The following MYLK variants were observed in gnomAD, a reference collection of about 807,000 sequenced individuals.
The protein encoded by MYLK is myosin light chain kinase.
A neutral mutation model predicts 203.4 loss-of-function variants in MYLK; 106 were observed. That is an observed-to-expected ratio of 0.52 (90% CI 0.45 to 0.61). The LOEUF (loss-of-function observed/expected upper bound fraction) is 0.61, where lower values mean the gene tolerates loss of function less well. Ranked by LOEUF, MYLK falls within the 20% of genes least tolerant of loss-of-function variation. The probability of loss-of-function intolerance (pLI) is 0.00; values close to 1 mark genes in which losing one functional copy is unlikely to be tolerated. For missense variants in MYLK, 2,072 were observed against 2,442.3 expected (o/e 0.85, Z 3.20); for synonymous variants, 867 against 959.5 (o/e 0.90, Z 1.78).
intron 12 of MYLK, among the ~76,000 whole-genome samples, chr3:123,723,627 C>T (rs564510495): frequency 3.9e-5 from 6 of 152,320 alleles, no homozygotes. Flanking sequence ...ATGGAGGCCC[C>T]AGAAAGGAGC....
chr3:123,810,097 C>T (rs2065505000), intron 3 of MYLK, among the ~76,000 whole-genome samples: 1 of 152,202 alleles, frequency 6.6e-6, no homozygotes, highest in Non-Finnish European at 1.5e-5. Flanking sequence ...GAACTCATTA[C>T]CTGTCCGCAC....
At chr3:123,805,529 A>G (rs969306583) in intron 3 of MYLK, among the ~76,000 whole-genome samples, 1 of 152,186 alleles carries the variant, frequency 6.6e-6, no homozygotes, top group East Asian at 1.9e-4. Context: ...GGCTGCCTCA[A>G]CTAAAGAGAG....
Position 123,612,426 on chromosome 3 carries a change from T to G in MYLK, c.*1679A>C, listed in dbSNP as rs551405562. ...ACATTAACACAATTCCAAGAAGGCATTAACCTGTAACACACATATACGCCA... is the reference window on the plus strand; with the variant it reads ...ACATTAACACAATTCCAAGAAGGCAGTAACCTGTAACACACATATACGCCA... On this transcript the variant is annotated 3_prime_UTR_variant, in exon 34 of 34. Coordinates refer to ENST00000360304, the MANE Select transcript of MYLK (RefSeq NM_053025.4). The G allele has an allele frequency of 1.3e-5, 2 of 152,706 alleles. No homozygotes were observed. Among genetic ancestry groups the G allele is most frequent in the Admixed American group, 1.3e-4 (2 of 15,282 alleles). 9.5% of individuals were successfully genotyped at this position (152,706 alleles called of 1,614,324 possible).
chr3:123,817,017 C>T (rs552648481), intron 3 of MYLK, among the ~76,000 whole-genome samples: 24 of 152,204 alleles, frequency 1.6e-4, no homozygotes, highest in Admixed American at 4.6e-4. Context: ...ATATCAGTGG[C>T]GCAGATAAAA....
intron 20 of MYLK, among the ~76,000 whole-genome samples, chr3:123,668,016 CT>C (rs1407270671): frequency 6.6e-6 from 1 of 152,158 alleles, no homozygotes; most frequent in Admixed American, 6.5e-5. Flanking sequence ...TCCCTTCTTA[CT>C]CTTACTTCCT....
At chr3:123,809,987 A>T (rs569381472) in intron 3 of MYLK, among the ~76,000 whole-genome samples, 2 of 152,004 alleles carry the variant, frequency 1.3e-5, no homozygotes, top group South Asian at 4.2e-4. Flanking sequence ...AGAAGATGGG[A>T]CTCTCCTGAC....
intron 1 of MYLK, among the ~76,000 whole-genome samples, chr3:123,881,431 T>C (rs1028420032): frequency 4.6e-5 from 7 of 152,152 alleles, no homozygotes; most frequent in Non-Finnish European, 8.8e-5. Context: ...TTTTACTACA[T>C]TTGCTGAAAA....
chr3:123,746,426 G>A (rs71332715), intron 5 of MYLK, among the ~76,000 whole-genome samples: 84 of 152,194 alleles, frequency 5.5e-4, no homozygotes, highest in Admixed American at 1.6e-3. Context: ...GGAGGAATAC[G>A]AGATGGAAAA....
intron 5 of MYLK, among the ~76,000 whole-genome samples, chr3:123,748,996 G>A (rs2063107943): frequency 6.6e-6 from 1 of 152,126 alleles, no homozygotes; most frequent in South Asian, 2.1e-4. Context: ...TTGAACCCAG[G>A]AGGCAGAGGT....
At chr3:123,795,528 G>T (rs988628906) in intron 3 of MYLK, among the ~76,000 whole-genome samples, 1 of 152,208 alleles carries the variant, frequency 6.6e-6, no homozygotes. Context: ...GGAGTTTCAG[G>T]GGGAGTTTCC....
chr3:123,742,983 T>C (rs2062904955), intron 5 of MYLK, among the ~76,000 whole-genome samples: 1 of 152,102 alleles, frequency 6.6e-6, no homozygotes, highest in Non-Finnish European at 1.5e-5. Flanking sequence ...GGATGGGGAA[T>C]TAATGCTCAA....
chr3:123,728,686 G>A (rs73200095), intron 11 of MYLK, among the ~76,000 whole-genome samples: 2,172 of 152,238 alleles, frequency 0.014, 24 homozygotes, highest in South Asian at 0.033. Context: ...CCCCAGCTCT[G>A]GGGTAACTCT....
intron 20 of MYLK, among the ~76,000 whole-genome samples, chr3:123,668,107 A>G (rs2059798474): frequency 1.3e-5 from 2 of 152,236 alleles, no homozygotes; most frequent in South Asian, 4.1e-4. Context: ...AAATCACAAT[A>G]TAGTGCACGT....
chr3:123,717,089 C>T (rs2108705229), intron 13 of MYLK, among the ~76,000 whole-genome samples: 1 of 152,300 alleles, frequency 6.6e-6, no homozygotes, highest in Admixed American at 6.5e-5. Flanking sequence ...GGTATTTATT[C>T]TTCTTCAATA....
chr3:123,824,092 CTT>C (rs750541116), intron 3 of MYLK, among the ~76,000 whole-genome samples: 11 of 143,254 alleles, frequency 7.7e-5, no homozygotes, highest in Admixed American at 2.1e-4. Flanking sequence ...TTTATTGTTT[CTT>C]TTTTTTTTTT....
intron 5 of MYLK, among the ~76,000 whole-genome samples, chr3:123,741,227 G>A (rs961707722): frequency 4.6e-5 from 7 of 152,156 alleles, no homozygotes; most frequent in African/African-American, 1.7e-4. Context: ...CATAGGTGTG[G>A]AGGAGAAAAA....
At chr3:123,741,837 A>G (rs2062865071) in intron 5 of MYLK, among the ~76,000 whole-genome samples, 1 of 152,204 alleles carries the variant, frequency 6.6e-6, no homozygotes, top group African/African-American at 2.4e-5. Flanking sequence ...AATATCTGAA[A>G]CGTGCAGGTA....
At chr3:123,769,363 T>C (rs764307576) in intron 4 of MYLK, among the ~76,000 whole-genome samples, 20 of 152,352 alleles carry the variant, frequency 1.3e-4, no homozygotes, top group African/African-American at 4.6e-4. Flanking sequence ...ACAGCCCTTA[T>C]GCCAGTAACA....
intron 4 of MYLK, among the ~76,000 whole-genome samples, chr3:123,782,511 T>C (rs1447508220): frequency 2.0e-5 from 3 of 152,230 alleles, no homozygotes; most frequent in South Asian, 4.1e-4. Context: ...GGAAGATAGA[T>C]ATTAGAAGGA....
Sources: gnomAD v4.1 joint callset for allele counts (sites outside exome capture counted in the v4.1 genomes callset) on GRCh38, gnomAD v4.1.1 for gene constraint, MANE v1.5 for transcripts, NCBI Gene and HGNC (gene_info 2026-07-23, HGNC 2026-07-21) for gene names.